ZNF277: variants seen among roughly 807,000 people sequenced by gnomAD.
The protein encoded by ZNF277 is zinc finger protein 277.
A neutral mutation model predicts 60.7 loss-of-function variants in ZNF277; 55 were observed. The observed-to-expected ratio is 0.91, with a 90% CI of 0.73 to 1.13. ZNF277 has a LOEUF of 1.13. Among genes scored for constraint, ZNF277 ranks in the 50% most tolerant of loss-of-function variants. The pLI, the probability that ZNF277 is intolerant of heterozygous loss-of-function variation, is 0.00. For missense variants in ZNF277, 510 were observed against 523.0 expected (o/e 0.98, Z 0.24); for synonymous variants, 178 against 179.3 (o/e 0.99, Z 0.06).
At chr7:112,329,064 A>G (rs1167395182) in intron 6 of ZNF277, among the ~76,000 whole-genome samples, 1 of 152,180 alleles carries the variant, frequency 6.6e-6, no homozygotes, top group Non-Finnish European at 1.5e-5. Context: ...TAATCAGCTT[A>G]TCACCCATAA....
At chr7:112,240,612 C>T (rs1453811102) in intron 1 of ZNF277, among the ~76,000 whole-genome samples, 1 of 152,048 alleles carries the variant, frequency 6.6e-6, no homozygotes, top group African/African-American at 2.4e-5. Context: ...ATAACCAAAA[C>T]AGTATGGTAC....
In ZNF277 at chr7:112,330,261, A is replaced by G. The variant is rs73717530; in HGVS notation, c.801+45A>G. 3.8e-6 allele frequency: 6 copies of G among 1,594,450 alleles called. No individual in the cohort carries two copies. The South Asian group carries it at 5.6e-5, about 15-fold the overall frequency. On this transcript the variant is annotated intron_variant, in intron 7 of 11. Coordinates refer to ENST00000361822, the MANE Select transcript of ZNF277 (RefSeq NM_021994.3). ...ACTTAAAATTTGATTGCAGTACTGC[A>G]AACAAAATCTTTCTGAGGACCAACT...
At chr7:112,221,865 TA>T (rs750315167) in intron 1 of ZNF277, among the ~76,000 whole-genome samples, 19 of 152,326 alleles carry the variant, frequency 1.2e-4, no homozygotes, top group Non-Finnish European at 2.5e-4. Flanking sequence ...AAATGGCCTT[TA>T]TTGTGTTGAG....
At chr7:112,264,701 G>A (rs1453946814) in intron 1 of ZNF277, among the ~76,000 whole-genome samples, 1 of 152,042 alleles carries the variant, frequency 6.6e-6, no homozygotes, top group African/African-American at 2.4e-5. Flanking sequence ...TTTGGTTTCA[G>A]GTCACCACAA....
At position 112,226,369 on chromosome 7, in the gene ZNF277, A is replaced by C. The variant is rs1256424190; in HGVS notation, c.91+19562A>C. ...TTAAGGAACATTTTCTCCATTATATACAAGAAGCCAGAGTTGTTTTGAAGA... is the reference window on the plus strand; with the variant it reads ...TTAAGGAACATTTTCTCCATTATATCCAAGAAGCCAGAGTTGTTTTGAAGA... On this transcript the variant is annotated intron_variant, in intron 1 of 11. Coordinates refer to ENST00000361822, the MANE Select transcript of ZNF277 (RefSeq NM_021994.3). 1.6e-4 allele frequency among the ~76,000 whole-genome samples: 24 copies of C among 152,322 alleles called. No homozygotes were observed. The East Asian group carries it at 4.2e-3, about 27-fold the overall frequency.
At chr7:112,327,086 A>G (rs965276650) in intron 5 of ZNF277, among the ~76,000 whole-genome samples, 2 of 152,170 alleles carry the variant, frequency 1.3e-5, no homozygotes, top group African/African-American at 2.4e-5. Flanking sequence ...ATCTTAGGTC[A>G]TAGCTGGTTG....
At chr7:112,309,962 G>A (rs577563505) in intron 4 of ZNF277, among the ~76,000 whole-genome samples, 82 of 152,192 alleles carry the variant, frequency 5.4e-4, no homozygotes, top group South Asian at 6.2e-4. Flanking sequence ...AGCTGCCATC[G>A]TTCCTAAGGA....
At chr7:112,314,676 G>T (rs1045022316) in intron 4 of ZNF277, among the ~76,000 whole-genome samples, 1 of 151,988 alleles carries the variant, frequency 6.6e-6, no homozygotes, top group Non-Finnish European at 1.5e-5. Flanking sequence ...TGCCCCTGTA[G>T]TCCCAGCTAC....
Position 112,343,460 on chromosome 7 carries a change from ATC to A in ZNF277, c.*733_*734del, listed in dbSNP as rs920659381. On this transcript the variant is annotated 3_prime_UTR_variant, in exon 12 of 12. Coordinates refer to ENST00000361822, the MANE Select transcript of ZNF277 (RefSeq NM_021994.3). Reference sequence around the variant, plus strand: ...AAAACATTAACATTAACTTAATATCATCTGTTTTCAGTTTTTCCCACTTGTCT... The same window carrying A: ...AAAACATTAACATTAACTTAATATCATGTTTTCAGTTTTTCCCACTTGTCT... Among the ~76,000 whole-genome samples the A allele has an allele frequency of 6.6e-6, 1 of 152,270 alleles. No individual in the cohort carries two copies. Among genetic ancestry groups the A allele is most frequent in the African/African-American group, 2.4e-5 (1 of 41,534 alleles).
chr7:112,206,805 G>A lies in ZNF277; in HGVS notation c.89G>A (p.Gly30Glu), dbSNP rs768300833. 17 of 1,612,940 alleles carry A rather than the reference G, an allele frequency of 1.1e-5. No individual in the cohort carries two copies. The Admixed American group carries it at 2.5e-4, about 24-fold the overall frequency. Residue 30 changes from glycine (G) to glutamate (E), a missense_variant and splice_region_variant, in exon 1 of 12, where the codon GGG (glycine) becomes GAG (glutamate). Physicochemically the swap from Gly to Glu is moderately conservative, Grantham distance 98. Transcript: ENST00000361822. ...SCSTVGGVGY[G>E]DSKDCILEPL... ...AGCACAGTCGGGGGTGTAGGTTATGGGGGTGAGTACGGTGCCCCGGAGGCG... is the reference window on the plus strand; with the variant it reads ...AGCACAGTCGGGGGTGTAGGTTATGAGGGTGAGTACGGTGCCCCGGAGGCG...
intron 1 of ZNF277, among the ~76,000 whole-genome samples, chr7:112,247,618 G>A (rs1278907095): frequency 6.6e-6 from 1 of 152,114 alleles, no homozygotes; most frequent in East Asian, 1.9e-4. Flanking sequence ...CATGTTATAT[G>A]ACTAAATGTT....
chr7:112,319,672 ATATT>A (rs1302805466), intron 5 of ZNF277, among the ~76,000 whole-genome samples: 1 of 147,430 alleles, frequency 6.8e-6, no homozygotes. Flanking sequence ...TATATAATAT[ATATT>A]ATATAAATTA....
At chr7:112,220,393 T>C (rs1476117260) in intron 1 of ZNF277, among the ~76,000 whole-genome samples, 1 of 152,202 alleles carries the variant, frequency 6.6e-6, no homozygotes, top group African/African-American at 2.4e-5. Flanking sequence ...TCCTGCAACT[T>C]TACTGAGTTC....
intron 1 of ZNF277, among the ~76,000 whole-genome samples, chr7:112,250,731 T>A (rs1284919515): frequency 1.3e-5 from 2 of 152,154 alleles, no homozygotes; most frequent in Admixed American, 6.5e-5. Context: ...TTTTTTAACC[T>A]CTGCTCCTCT....
At chr7:112,206,939 G>A (rs1821508463) in intron 1 of ZNF277, 132 bp downstream of exon 1, 2 of 830,686 alleles carry the variant, frequency 2.4e-6, no homozygotes, top group African/African-American at 3.6e-5. Flanking sequence ...GGCCCCACGG[G>A]TGGTGGCCCA....
Position 112,287,082 on chromosome 7 carries a change from C to A in ZNF277, c.293+8C>A. The A allele has an allele frequency of 3.7e-6, 6 of 1,613,432 alleles. No individual in the cohort carries two copies. Among genetic ancestry groups the A allele is most frequent in the Non-Finnish European group, 5.1e-6 (6 of 1,179,482 alleles). ...GGTTGCTGATTTCCAAAGGTAAGTT[C>A]TGTTTTTGTCCTTAAAAGAATTAAA... is the stretch of plus-strand genomic sequence containing the variant. On this transcript the variant is annotated splice_region_variant and intron_variant, in intron 2 of 11. Transcript: ENST00000361822.
At chr7:112,242,922 T>C (rs1019637845) in intron 1 of ZNF277, among the ~76,000 whole-genome samples, 1 of 151,978 alleles carries the variant, frequency 6.6e-6, no homozygotes, top group Non-Finnish European at 1.5e-5. Flanking sequence ...CAAATTATAA[T>C]GCAAGGCTAC....
intron 1 of ZNF277, among the ~76,000 whole-genome samples, chr7:112,274,258 A>G (rs1791744492): frequency 6.6e-6 from 1 of 152,044 alleles, no homozygotes; most frequent in Non-Finnish European, 1.5e-5. Flanking sequence ...CCCGGGCCCA[A>G]GCAATCCTCT....
intron 1 of ZNF277, among the ~76,000 whole-genome samples, chr7:112,254,130 TCTAA>T (rs1180924039): frequency 2.6e-5 from 4 of 152,208 alleles, no homozygotes; most frequent in Admixed American, 1.3e-4. Context: ...TTCTAAACTG[TCTAA>T]CTAGCATTGA....
Sources: gnomAD v4.1 joint callset for allele counts (sites outside exome capture counted in the v4.1 genomes callset) on GRCh38, gnomAD v4.1.1 for gene constraint, MANE v1.5 for transcripts, NCBI Gene and HGNC (gene_info 2026-07-23, HGNC 2026-07-21) for gene names.